Variants in ADRA1A observed in about 807,000 individuals in gnomAD.
ADRA1A encodes adrenoceptor alpha 1A.
In ADRA1A, 31 loss-of-function variants were observed where a neutral mutation model predicts 29.6. The observed-to-expected ratio is 1.05, with a 90% confidence interval of 0.79 to 1.41. ADRA1A has a LOEUF of 1.41. Ranked by LOEUF, ADRA1A falls within the 40% of genes most tolerant of loss-of-function variation. ADRA1A has a pLI of 0.00. For missense variants in ADRA1A, 619 were observed against 601.1 expected, an observed-to-expected ratio of 1.03 and a Z score of -0.31; for synonymous variants, 311 against 254.3, an observed-to-expected ratio of 1.22 and a Z score of -2.12.
chr8:26,781,656 G>C (rs1397214705), intron 2 of ADRA1A, among the ~76,000 whole-genome samples: 1 of 152,176 alleles, frequency 6.6e-6, no homozygotes, highest in Non-Finnish European at 1.5e-5. Flanking sequence ...ATTACTTCCA[G>C]TACTTATAAA....
At chr8:26,824,598 G>T (rs907840026) in intron 2 of ADRA1A, among the ~76,000 whole-genome samples, 1 of 152,106 alleles carries the variant, frequency 6.6e-6, no homozygotes, top group Non-Finnish European at 1.5e-5. Flanking sequence ...AGTAGAACAC[G>T]CTGCCCCTCC....
At chr8:26,768,432 A>G (rs929307601), downstream of ADRA1A, among the ~76,000 whole-genome samples, 1 of 152,152 alleles carries the variant, frequency 6.6e-6, no homozygotes, top group East Asian at 1.9e-4. Context: ...CCATATTTTA[A>G]TTTTTACTTA....
At chr8:26,836,119 C>A in intron 2 of ADRA1A, 1 of 200,134 alleles carries the variant, frequency 5.0e-6, no homozygotes, top group South Asian at 1.2e-4. Context: ...GTTGCCTTCT[C>A]ACAGAGGTGG....
intron 2 of ADRA1A, among the ~76,000 whole-genome samples, chr8:26,804,288 C>G (rs1376280741): frequency 6.6e-6 from 1 of 152,082 alleles, no homozygotes; most frequent in East Asian, 1.9e-4. Flanking sequence ...GACATGAAAA[C>G]ACATCCACAT....
chr8:26,808,917 T>G (rs1222866886), intron 2 of ADRA1A, among the ~76,000 whole-genome samples: 1 of 152,150 alleles, frequency 6.6e-6, no homozygotes, highest in African/African-American at 2.4e-5. Flanking sequence ...ACAACTTGGG[T>G]GGGATCATTT....
intron 2 of ADRA1A, among the ~76,000 whole-genome samples, chr8:26,782,434 G>A (rs538321844): frequency 2.6e-5 from 4 of 152,246 alleles, no homozygotes; most frequent in African/African-American, 9.6e-5. Flanking sequence ...AAAGGGATTG[G>A]GGCAATTTCC....
chr8:26,824,813 C>G (rs1390538657), intron 2 of ADRA1A, among the ~76,000 whole-genome samples: 1 of 152,196 alleles, frequency 6.6e-6, no homozygotes, highest in Non-Finnish European at 1.5e-5. Context: ...TACCCAGAGA[C>G]AGTCACTTAA....
intron 2 of ADRA1A, among the ~76,000 whole-genome samples, chr8:26,824,035 GC>G (rs1810369903): frequency 6.6e-6 from 1 of 152,046 alleles, no homozygotes; most frequent in Non-Finnish European, 1.5e-5. Context: ...TTCTTGCTCA[GC>G]CCCCACACCT....
chr8:26,804,373 G>T (rs559423690), intron 2 of ADRA1A, among the ~76,000 whole-genome samples: 3 of 152,006 alleles, frequency 2.0e-5, no homozygotes, highest in Middle Eastern at 3.2e-3. Context: ...AAATTTCATC[G>T]ATATGTGAAA....
intron 2 of ADRA1A, among the ~76,000 whole-genome samples, chr8:26,842,787 T>C (rs1250761461): frequency 6.6e-6 from 1 of 151,882 alleles, no homozygotes; most frequent in Non-Finnish European, 1.5e-5. Flanking sequence ...TCAATAATAT[T>C]GTCCCACCAA....
At position 26,796,324 on chromosome 8, in the gene ADRA1A, T is replaced by C. The variant is rs1445887548; in HGVS notation, c.884-25658A>G. Reference sequence around the variant, plus strand: ...TTAAAAAAGAATAAAAGCACATAACTAAAAAATAACTCACTGATTACCTAC... The same window carrying C: ...TTAAAAAAGAATAAAAGCACATAACCAAAAAATAACTCACTGATTACCTAC... On this transcript the variant is annotated intron_variant, in intron 2 of 2. Transcript: ENST00000380573. This position sits in a 1 kb window ranked among gnomAD's most constrained non-coding sequence, Gnocchi z 5.0. 3.3e-5 allele frequency among the ~76,000 whole-genome samples: 5 copies of C among 152,170 alleles called. No homozygotes were observed. The highest frequency in any genetic ancestry group is 1.2e-4 in the African/African-American group (5 of 41,450).
At position 26,855,216 on chromosome 8, in the gene ADRA1A, C is replaced by CGTGTGT. The variant is rs1554513281; in HGVS notation, c.883+8870_883+8871insACACAC. Among the ~76,000 whole-genome samples the CGTGTGT allele has an allele frequency of 1.1e-4, 9 of 85,490 alleles. No individual in the cohort carries two copies. In the Admixed American group the frequency reaches 1.4e-3, roughly 14 times the overall value. The allele number at this position is 85,490 out of a possible 152,430, so 56.1% of individuals were successfully genotyped here. The stretch of plus-strand genomic sequence containing the variant: ...ATTTAACTAAAAGTGTGTGTGCATG[C>CGTGTGT]ATGTGTGTGTGTGTGTGCATGTGAG... On this transcript the variant is annotated intron_variant, in intron 2 of 2. Coordinates refer to ENST00000380573, the MANE Select transcript of ADRA1A (RefSeq NM_000680.4).
At chr8:26,804,774 C>T (rs1051632175) in intron 2 of ADRA1A, among the ~76,000 whole-genome samples, 5 of 152,000 alleles carry the variant, frequency 3.3e-5, no homozygotes, top group Non-Finnish European at 5.9e-5. Flanking sequence ...TATGATGCTT[C>T]GAGGATGGTT....
intron 2 of ADRA1A, among the ~76,000 whole-genome samples, chr8:26,837,992 T>C (rs1811513539): frequency 6.6e-6 from 1 of 152,226 alleles, no homozygotes; most frequent in Admixed American, 6.5e-5. Context: ...ACCAGGACAA[T>C]TGTGTTGTTT....
intron 2 of ADRA1A, among the ~76,000 whole-genome samples, chr8:26,809,091 T>C (rs899825577): frequency 6.6e-6 from 1 of 152,136 alleles, no homozygotes; most frequent in Non-Finnish European, 1.5e-5. Flanking sequence ...GGGCATAAGG[T>C]ATGTGTTCAG....
At chr8:26,754,910 C>A (rs996440465), downstream of ADRA1A, among the ~76,000 whole-genome samples, 1 of 152,110 alleles carries the variant, frequency 6.6e-6, no homozygotes, top group African/African-American at 2.4e-5. Context: ...GAGCTGTGAC[C>A]CTTGGATGGT....
At chr8:26,854,565 G>C (rs1812885916) in intron 2 of ADRA1A, 2 of 152,204 alleles carry the variant, frequency 1.3e-5, no homozygotes, top group African/African-American at 4.8e-5. Flanking sequence ...AACCCACCAG[G>C]CTCTCTGTGC....
chr8:26,759,373 C>G (rs1805378454), intron 2 of ADRA1A, among the ~76,000 whole-genome samples: 1 of 151,334 alleles, frequency 6.6e-6, no homozygotes, highest in Admixed American at 6.6e-5. Flanking sequence ...AAGTATGACT[C>G]TTTTTTTTTA....
At chr8:26,843,924 C>T (rs1263746937) in intron 2 of ADRA1A, among the ~76,000 whole-genome samples, 1 of 152,200 alleles carries the variant, frequency 6.6e-6, no homozygotes, top group African/African-American at 2.4e-5. Flanking sequence ...AATGTTAGTG[C>T]ATGAAGCAAG....
Sources: allele counts gnomAD v4.1 joint callset (sites outside exome capture counted in the v4.1 genomes callset), GRCh38; gene constraint gnomAD v4.1.1; non-coding constraint Gnocchi (gnomAD v3.1); transcripts MANE v1.5; gene names NCBI Gene and HGNC (gene_info 2026-07-23, HGNC 2026-07-21).